CXCR6: variants seen among roughly 807,000 people sequenced by gnomAD.
CXCR6 encodes the protein C-X-C chemokine receptor type 6.
CXCR6 carries 3 observed loss-of-function variants against 1.6 expected under a neutral mutation model. The ratio of observed to expected loss-of-function variants is 1.83; its 90% CI spans 0.83 to 4.72. The LOEUF (loss-of-function observed/expected upper bound fraction) is 4.72, where lower values mean the gene tolerates loss of function less well. CXCR6 is among the 30% of genes most tolerant of loss of function. The pLI is 0.02. For missense variants in CXCR6, 326 were observed against 414.8 expected, an observed-to-expected ratio of 0.79 and a Z score of 1.86; for synonymous variants, 171 against 159.2, an observed-to-expected ratio of 1.07 and a Z score of -0.56.
chr3:45,943,623 G>T (rs1486505599), intron 1 of CXCR6, 83 bp downstream of exon 1: 1 of 152,218 alleles, frequency 6.6e-6, no homozygotes, highest in Non-Finnish European at 1.5e-5. Flanking sequence ...TCAGATTCCT[G>T]TCTGTAGTAG....
At chr3:45,946,378 C>T in intron 1 of CXCR6, 83 bp from the exon 2 acceptor site, 1 of 1,008,720 alleles carries the variant, frequency 9.9e-7, no homozygotes, top group South Asian at 1.5e-5. Flanking sequence ...CTATTTGCCC[C>T]CTAAATGTGG....
In CXCR6 at chr3:45,946,499, C is replaced by T; in HGVS notation, c.18C>T (p.Tyr6=). The T allele has an allele frequency of 3.1e-6, 5 of 1,613,476 alleles. No individual in the cohort carries two copies. Among genetic ancestry groups the T allele is most frequent in the Non-Finnish European group, 3.4e-6 (4 of 1,179,524 alleles). The change falls in exon 2 of 2, where the codon TAC becomes TAT. Residue 6 remains tyrosine (Y), a synonymous_variant. Coordinates refer to ENST00000304552, the MANE Select transcript of CXCR6 (RefSeq NM_006564.2). ...CAGACACCATGGCAGAGCATGATTA[C>T]CATGAAGACTATGGGTTCAGCAGTT... MAEHD[Y]HEDYGFSSFN...
chr3:45,943,855 C>G (rs6785091), intron 1 of CXCR6, among the ~76,000 whole-genome samples: 32,463 of 152,068 alleles, frequency 0.21, 5,342 homozygotes, highest in African/African-American at 0.45. Context: ...TATATTTGCT[C>G]AATGAATAAT....
chr3:45,944,042 T>C (rs1014743027), intron 1 of CXCR6, among the ~76,000 whole-genome samples: 3 of 152,184 alleles, frequency 2.0e-5, no homozygotes, highest in African/African-American at 7.2e-5. Flanking sequence ...TAAAATGTGA[T>C]CATTTTTTCC....
chr3:45,947,195 T>A lies in CXCR6; in HGVS notation c.714T>A (p.Ala238=). The A allele has an allele frequency of 6.2e-7, 1 of 1,614,216 alleles. No individual in the cohort carries two copies. The highest frequency in any genetic ancestry group is 1.1e-5 in the South Asian group (1 of 91,082). Residue 238 remains alanine, a synonymous_variant, in exon 2 of 2, where the codon GCT becomes GCA. Transcript: ENST00000304552. ...TAAAGATCATCTTCCTGGTGATGGC[T>A]GTGTTCCTGCTGACCCAGATGCCCT... ...RSLKIIFLVM[A]VFLLTQMPFN...
intron 1 of CXCR6, among the ~76,000 whole-genome samples, chr3:45,944,216 GTA>G (rs57390542): frequency 9.3e-5 from 13 of 140,400 alleles, no homozygotes; most frequent in African/African-American, 3.8e-4. Flanking sequence ...GTGTGTGTGT[GTA>G]TATATATATA....
chr3:45,947,443 C>T lies in CXCR6; in HGVS notation c.962C>T (p.Ser321Phe). The T allele has an allele frequency of 6.2e-7, 1 of 1,614,222 alleles. No homozygotes were observed. The highest frequency in any genetic ancestry group is 8.5e-7 in the Non-Finnish European group (1 of 1,180,026). The change falls in exon 2 of 2, where the codon TCT becomes TTT. Residue 321 changes from serine to phenylalanine, a missense_variant. Physicochemically the swap from Ser to Phe is radical, Grantham distance 155. Coordinates refer to ENST00000304552, the MANE Select transcript of CXCR6 (RefSeq NM_006564.2). The part of the protein sequence containing the change: ...YLGVSHQWKS[S>F]EDNSKTFSAS... ...GGGGTCTCACATCAATGGAAATCTT[C>T]TGAGGACAATTCCAAGACTTTTTCT...
intron 1 of CXCR6, 88 bp from the exon 2 acceptor site, chr3:45,946,373 T>C (rs2125821985): frequency 1.1e-6 from 1 of 922,362 alleles, no homozygotes; most frequent in East Asian, 2.4e-5. Flanking sequence ...GATGACTATT[T>C]GCCCCCTAAA....
upstream of CXCR6, chr3:45,943,382 T>G (rs1000801105): frequency 6.6e-6 from 1 of 152,134 alleles, no homozygotes; most frequent in African/African-American, 2.4e-5. Flanking sequence ...TGGATTCTGA[T>G]CTGAAGGACG....
chr3:45,947,734 C>T lies in CXCR6; in HGVS notation c.*224C>T. 1 of 545,474 alleles carries T rather than the reference C, an allele frequency of 1.8e-6. No homozygotes were observed. The highest frequency in any genetic ancestry group is 3.3e-6 in the Non-Finnish European group (1 of 299,882). The allele number at this position is 545,474 out of a possible 1,614,324, so 33.8% of individuals were successfully genotyped here. A position where few individuals can be genotyped will look rare whatever the true frequency, so the allele number is the denominator to read the frequency against. On this transcript the variant is annotated 3_prime_UTR_variant, in exon 2 of 2. Transcript: ENST00000304552. ...GTAGGGGGTCTAAAATTTTTAAGGA[C>T]TTTCCTTCCTCCATCTCCAAGAATG...
chr3:45,947,266 C>T lies in CXCR6; in HGVS notation c.785C>T (p.Ala262Val). The change falls in exon 2 of 2, where the codon GCC (alanine) becomes GTC (valine). Residue 262 changes from alanine (A) to valine (V), a missense_variant. Transcript: ENST00000304552. ...CGCAGCACACACTGGGAATACTATG[C>T]CATGACCAGCTTTCACTACACCATC... ...FIRSTHWEYY[A>V]MTSFHYTIMV... The T allele has an allele frequency of 6.2e-7, 1 of 1,614,088 alleles. No homozygotes were observed.
Position 45,946,498 on chromosome 3 carries a change from A to T in CXCR6, c.17A>T (p.Tyr6Phe). MAEHDYHEDYGFSSFN... is the reference protein window; with the variant it reads MAEHDFHEDYGFSSFN... Reference sequence around the variant, plus strand: ...ACAGACACCATGGCAGAGCATGATTACCATGAAGACTATGGGTTCAGCAGT... The same window carrying T: ...ACAGACACCATGGCAGAGCATGATTTCCATGAAGACTATGGGTTCAGCAGT... The change falls in exon 2 of 2, where the codon TAC (tyrosine) becomes TTC (phenylalanine). Residue 6 changes from tyrosine to phenylalanine, a missense_variant. Coordinates refer to ENST00000304552, the MANE Select transcript of CXCR6 (RefSeq NM_006564.2). 1 of 1,613,458 alleles carries T rather than the reference A, an allele frequency of 6.2e-7. No homozygotes were observed. The highest frequency in any genetic ancestry group is 8.5e-7 in the Non-Finnish European group (1 of 1,179,454).
chr3:45,946,687 T>C lies in CXCR6; in HGVS notation c.206T>C (p.Phe69Ser). 6.2e-7 allele frequency: 1 copy of C among 1,614,228 alleles called. No individual in the cohort carries two copies. The highest frequency in any genetic ancestry group is 8.5e-7 in the Non-Finnish European group (1 of 1,180,040). ...YHKLQSLTDV[F>S]LVNLPLADLV... ...AAGTTGCAGAGCCTGACGGATGTGTTCCTGGTGAACCTACCCCTGGCTGAC... is the reference window on the plus strand; with the variant it reads ...AAGTTGCAGAGCCTGACGGATGTGTCCCTGGTGAACCTACCCCTGGCTGAC... The change falls in exon 2 of 2, where the codon TTC becomes TCC. Residue 69 changes from phenylalanine (F) to serine (S), a missense_variant. By Grantham distance (155) the Phe-to-Ser change is radical. Transcript: ENST00000304552.
chr3:45,943,083 T>A (rs1268409247), upstream of CXCR6, among the ~76,000 whole-genome samples: 1 of 152,200 alleles, frequency 6.6e-6, no homozygotes, highest in Non-Finnish European at 1.5e-5. Context: ...ATGCTGGAGC[T>A]GCATATGCAC....
At position 45,947,440 on chromosome 3, in the gene CXCR6, C is replaced by A; in HGVS notation, c.959C>A (p.Ser320Tyr). ...PYLGVSHQWK[S>Y]SEDNSKTFSA... ...CTTGGGGTCTCACATCAATGGAAAT[C>A]TTCTGAGGACAATTCCAAGACTTTT... Residue 320 changes from serine to tyrosine, a missense_variant, in exon 2 of 2, where the codon TCT becomes TAT. Coordinates refer to ENST00000304552, the MANE Select transcript of CXCR6 (RefSeq NM_006564.2). 1 of 1,614,198 alleles carries A rather than the reference C, an allele frequency of 6.2e-7. No homozygotes were observed. The highest frequency in any genetic ancestry group is 8.5e-7 in the Non-Finnish European group (1 of 1,180,000).
chr3:45,946,651 T>A lies in CXCR6; in HGVS notation c.170T>A (p.Ile57Asn). The change falls in exon 2 of 2, where the codon ATC (isoleucine) becomes AAC (asparagine). Residue 57 changes from isoleucine (I) to asparagine (N), a missense_variant. By Grantham distance (149) the Ile-to-Asn change is moderately radical. Coordinates refer to ENST00000304552, the MANE Select transcript of CXCR6 (RefSeq NM_006564.2). ...AACTCTCTGGTGCTGGTCATATCCA[T>A]CTTCTACCATAAGTTGCAGAGCCTG... ...VGNSLVLVIS[I>N]FYHKLQSLTD... 1.9e-6 allele frequency: 3 copies of A among 1,614,210 alleles called. No individual in the cohort carries two copies. The highest frequency in any genetic ancestry group is 1.3e-5 in the African/African-American group (1 of 75,040).
At chr3:45,945,723 G>C (rs547740383) in intron 1 of CXCR6, 1 of 152,320 alleles carries the variant, frequency 6.6e-6, no homozygotes, top group Admixed American at 6.5e-5. Context: ...AACTGATGAA[G>C]GGGAAAGTTT....
chr3:45,944,876 T>C (rs1252121115), intron 1 of CXCR6: 2 of 152,190 alleles, frequency 1.3e-5, no homozygotes, highest in Admixed American at 1.3e-4. Context: ...TGAAAAAATA[T>C]GTTTTTGCCC....
Position 45,946,338 on chromosome 3 carries a change from C to T in CXCR6, c.-21-123C>T, listed in dbSNP as rs1704601334. 55 of 677,622 alleles carry T rather than the reference C, an allele frequency of 8.1e-5. 1 individual carries two copies. The South Asian group carries it at 9.7e-4, about 12-fold the overall frequency. 42.0% of individuals were successfully genotyped at this position (677,622 alleles called of 1,614,324 possible). ...AATATACTGGACTGTGCTGTTTCTA[C>T]ACATCCCAGTGGGTGGGTTTAGAAG... On this transcript the variant is annotated intron_variant, in intron 1 of 1. Transcript: ENST00000304552.
Sources: allele counts gnomAD v4.1 joint callset (sites outside exome capture counted in the v4.1 genomes callset), GRCh38; gene constraint gnomAD v4.1.1; transcripts MANE v1.5; gene names NCBI Gene and HGNC (gene_info 2026-07-23, HGNC 2026-07-21).